Variants in PMFBP1 observed in about 807,000 individuals in gnomAD.
PMFBP1 encodes polyamine-modulated factor 1-binding protein 1.
A neutral mutation model predicts 137.8 loss-of-function variants in PMFBP1; 131 were observed. That is an observed-to-expected ratio of 0.95 (90% confidence interval 0.82 to 1.10). PMFBP1 has a LOEUF of 1.10. Among genes scored for constraint, PMFBP1 ranks in the 50% least tolerant of loss-of-function variants. PMFBP1 has a pLI of 0.00. For synonymous variants in PMFBP1, 490 were observed against 450.4 expected (o/e 1.09, Z -1.11); for missense variants, 1,199 against 1,175.4 (o/e 1.02, Z -0.29).
rs1359532141 is a variant in PMFBP1 at position 72,172,135 on chromosome 16, C to T, written c.-142G>A. 5 of 152,026 alleles carry T rather than the reference C, an allele frequency of 3.3e-5. No homozygotes were observed. Among genetic ancestry groups the T allele is most frequent in the Admixed American group, 3.3e-4 (5 of 15,252 alleles). 9.4% of individuals were successfully genotyped at this position (152,026 alleles called of 1,614,324 possible). A position where few individuals can be genotyped will look rare whatever the true frequency, so the allele number is the denominator to read the frequency against. On this transcript the variant is annotated 5_prime_UTR_variant, in exon 1 of 21. Transcript: ENST00000237353. ...CCACATCCCCTATCCCTAATATAAG[C>T]CAAGAGGAAGAAAGAATGTTGGTGA...
At chr16:72,175,435 T>A (rs1348297154), upstream of PMFBP1, among the ~76,000 whole-genome samples, 1 of 152,202 alleles carries the variant, frequency 6.6e-6, no homozygotes, top group African/African-American at 2.4e-5. Flanking sequence ...GTTACACAAA[T>A]GCCGTAATCA....
chr16:72,125,415 A>G lies in PMFBP1; in HGVS notation c.2254-10T>C. ...AGGTCACGTGATTGAGCTTCCGGAAAAGACAAAGAGGACGAATGGCTGTCA... is the reference window on the plus strand; with the variant it reads ...AGGTCACGTGATTGAGCTTCCGGAAGAGACAAAGAGGACGAATGGCTGTCA... On this transcript the variant is annotated splice_polypyrimidine_tract_variant and intron_variant, in intron 15 of 20. Transcript: ENST00000237353. 6.2e-7 allele frequency: 1 copy of G among 1,607,886 alleles called. No homozygotes were observed. The highest frequency in any genetic ancestry group is 8.5e-7 in the Non-Finnish European group (1 of 1,178,250).
the PMFBP1 span, among the ~76,000 whole-genome samples, chr16:72,222,346 T>C: frequency 6.6e-5 from 10 of 152,338 alleles, no homozygotes; most frequent in East Asian, 5.8e-4. Flanking sequence ...TTCAGGTCAC[T>C]GTATTTTCCA....
At chr16:72,174,783 C>T (rs1012254894), upstream of PMFBP1, among the ~76,000 whole-genome samples, 10 of 152,278 alleles carry the variant, frequency 6.6e-5, no homozygotes, top group African/African-American at 1.2e-4. Context: ...TTCACTATCA[C>T]GAGAACAGCA....
chr16:72,230,896 G>C, the PMFBP1 span, among the ~76,000 whole-genome samples: 1 of 152,092 alleles, frequency 6.6e-6, no homozygotes, highest in East Asian at 1.9e-4. Flanking sequence ...AATCAATCTG[G>C]ATGAAAAAGA....
At chr16:72,202,075 G>C in the PMFBP1 span, among the ~76,000 whole-genome samples, 1 of 152,182 alleles carries the variant, frequency 6.6e-6, no homozygotes, top group Non-Finnish European at 1.5e-5. Flanking sequence ...ACCATGACTA[G>C]CATGGTTCAT....
intron 7 of PMFBP1, among the ~76,000 whole-genome samples, chr16:72,138,962 C>T (rs1278827926): frequency 6.6e-6 from 1 of 150,884 alleles, no homozygotes. Flanking sequence ...ATAATCTTTC[C>T]TAAATTAGTA....
At chr16:72,169,392 C>T (rs2043189442) in intron 2 of PMFBP1, among the ~76,000 whole-genome samples, 1 of 152,072 alleles carries the variant, frequency 6.6e-6, no homozygotes, top group Non-Finnish European at 1.5e-5. Context: ...TGACTTGATT[C>T]CCAAGTTGAC....
intron 2 of PMFBP1, among the ~76,000 whole-genome samples, chr16:72,168,979 T>G (rs906728458): frequency 2.6e-5 from 4 of 152,232 alleles, no homozygotes; most frequent in African/African-American, 9.6e-5. Context: ...GTCTCAAGCT[T>G]CTTCTTGGGG....
intron 5 of PMFBP1, among the ~76,000 whole-genome samples, chr16:72,142,499 T>C (rs1279360705): frequency 6.6e-6 from 1 of 152,216 alleles, no homozygotes; most frequent in East Asian, 1.9e-4. Flanking sequence ...GCATCTCTAA[T>C]ACTGTGGTAC....
intron 5 of PMFBP1, among the ~76,000 whole-genome samples, chr16:72,142,639 T>C (rs1439584094): frequency 2.6e-5 from 4 of 152,138 alleles, no homozygotes; most frequent in Non-Finnish European, 4.4e-5. Flanking sequence ...CATGGAAATA[T>C]TGAGAAATTG....
chr16:72,190,017 G>GA, the PMFBP1 span, among the ~76,000 whole-genome samples: 4 of 151,810 alleles, frequency 2.6e-5, no homozygotes, highest in Non-Finnish European at 5.9e-5. Flanking sequence ...GCAAAATTCT[G>GA]AAAAAAAATC....
chr16:72,220,216 A>G, the PMFBP1 span, among the ~76,000 whole-genome samples: 1 of 152,244 alleles, frequency 6.6e-6, no homozygotes, highest in Non-Finnish European at 1.5e-5. Flanking sequence ...TTTTTAAAGA[A>G]GCTTTCAGTA....
At chr16:72,157,062 G>A (rs180676999) in intron 3 of PMFBP1, among the ~76,000 whole-genome samples, 4 of 151,340 alleles carry the variant, frequency 2.6e-5, no homozygotes, top group East Asian at 2.0e-4. Flanking sequence ...GGTGGCGGGC[G>A]CCTGTAGTCC....
At chr16:72,216,532 T>C in the PMFBP1 span, among the ~76,000 whole-genome samples, 16 of 152,252 alleles carry the variant, frequency 1.1e-4, no homozygotes, top group South Asian at 2.7e-3. Context: ...TCCTCTCAAG[T>C]TGGCGGCTCT....
chr16:72,219,558 G>T, the PMFBP1 span, among the ~76,000 whole-genome samples: 1 of 152,004 alleles, frequency 6.6e-6, no homozygotes, highest in Non-Finnish European at 1.5e-5. Context: ...TGGGCGGGGG[G>T]GCCTGTTTGC....
chr16:72,224,559 T>C, the PMFBP1 span: 2 of 152,636 alleles, frequency 1.3e-5, no homozygotes, highest in African/African-American at 4.8e-5. Context: ...GCACACCCTA[T>C]ACTTTCCCAC....
At chr16:72,139,215 A>T in intron 7 of PMFBP1, 74 bp downstream of exon 7, 1 of 1,030,674 alleles carries the variant, frequency 9.7e-7, no homozygotes, top group Non-Finnish European at 1.4e-6. Context: ...AAAATAAAAA[A>T]TAAGTAGGAA....
At chr16:72,148,545 A>C (rs1039522577) in intron 5 of PMFBP1, among the ~76,000 whole-genome samples, 2 of 152,214 alleles carry the variant, frequency 1.3e-5, no homozygotes, top group African/African-American at 2.4e-5. Flanking sequence ...AAATTAAAAT[A>C]TTTTGTATGG....
Sources: allele counts gnomAD v4.1 joint callset (sites outside exome capture counted in the v4.1 genomes callset), GRCh38; gene constraint gnomAD v4.1.1; transcripts MANE v1.5; gene names NCBI Gene and HGNC (gene_info 2026-07-23, HGNC 2026-07-21).